The following PLCB1 variants were observed in gnomAD, a reference collection of about 807,000 sequenced individuals.
The protein encoded by PLCB1 is 1-phosphatidylinositol 4,5-bisphosphate phosphodiesterase beta-1.
A neutral mutation model predicts 161.8 loss-of-function variants in PLCB1; 46 were observed. The observed-to-expected ratio is 0.28, with a 90% CI of 0.22 to 0.36. PLCB1 has a LOEUF of 0.36. Ranked by LOEUF, PLCB1 falls within the 10% of genes least tolerant of loss-of-function variation. The pLI is 1.00. For synonymous variants in PLCB1, 517 were observed against 503.7 expected (o/e 1.03, Z -0.35); for missense variants, 1,016 against 1,472.5 (o/e 0.69, Z 5.07).
At chr20:8,627,826 A>C (rs949029269) in intron 3 of PLCB1, among the ~76,000 whole-genome samples, 1 of 152,362 alleles carries the variant, frequency 6.6e-6, no homozygotes, top group African/African-American at 2.4e-5. Flanking sequence ...TCTTTGCATC[A>C]GTACTGACTG....
At position 8,581,929 on chromosome 20, in the gene PLCB1, A is replaced by G. The variant is rs62198908; in HGVS notation, c.247-46365A>G. Reference sequence around the variant, plus strand: ...CAGTGTTGTGCGAGAACCAATTCACACCAGCTCACAAGAGCTGATTTTACT... The same window carrying G: ...CAGTGTTGTGCGAGAACCAATTCACGCCAGCTCACAAGAGCTGATTTTACT... On this transcript the variant is annotated intron_variant, in intron 3 of 31. Transcript: ENST00000338037. 9.0e-3 allele frequency among the ~76,000 whole-genome samples: 1,372 copies of G among 152,282 alleles called. 10 individuals are homozygous for G. The highest frequency in any genetic ancestry group is 0.015 in the Non-Finnish European group (1,052 of 68,014).
At chr20:8,600,076 G>C (rs1318031042) in intron 3 of PLCB1, among the ~76,000 whole-genome samples, 1 of 111,504 alleles carries the variant, frequency 9.0e-6, no homozygotes, top group Admixed American at 9.0e-5. Flanking sequence ...TAATTTGATC[G>C]TCTGAAGCCT....
intron 10 of PLCB1, among the ~76,000 whole-genome samples, chr20:8,687,307 G>C (rs964682874): frequency 6.6e-5 from 10 of 152,244 alleles, no homozygotes; most frequent in Non-Finnish European, 1.0e-4. Context: ...TTAACGACAT[G>C]AGCCACTGTG....
At chr20:8,731,665 G>T (rs1475241976) in intron 18 of PLCB1, among the ~76,000 whole-genome samples, 1 of 151,916 alleles carries the variant, frequency 6.6e-6, no homozygotes, top group Non-Finnish European at 1.5e-5. Context: ...AATGTGATAA[G>T]TTATCTTAAT....
At chr20:8,160,414 A>G (rs2051610496) in intron 2 of PLCB1, among the ~76,000 whole-genome samples, 1 of 152,192 alleles carries the variant, frequency 6.6e-6, no homozygotes, top group African/African-American at 2.4e-5. Flanking sequence ...CATGCCACTG[A>G]TAAAGACATA....
chr20:8,845,341 A>AT (rs1444666755), intron 31 of PLCB1, among the ~76,000 whole-genome samples: 1 of 152,094 alleles, frequency 6.6e-6, no homozygotes, highest in Admixed American at 6.6e-5. Flanking sequence ...GGGTGTATAC[A>AT]TTTTTAGTAT....
At chr20:8,601,896 G>C (rs1987597117) in intron 3 of PLCB1, among the ~76,000 whole-genome samples, 1 of 152,118 alleles carries the variant, frequency 6.6e-6, no homozygotes, top group Admixed American at 6.5e-5. Context: ...GGCTTGTTCT[G>C]GAAGTGTTGC....
At chr20:8,712,425 A>G (rs942670788) in intron 12 of PLCB1, among the ~76,000 whole-genome samples, 6 of 152,220 alleles carry the variant, frequency 3.9e-5, no homozygotes, top group African/African-American at 7.2e-5. Flanking sequence ...GCTGCTTTCA[A>G]TGTATCCTGT....
intron 3 of PLCB1, among the ~76,000 whole-genome samples, chr20:8,391,303 TACCCCCAGAGA>T (rs1481240098): frequency 6.6e-6 from 1 of 152,138 alleles, no homozygotes; most frequent in Non-Finnish European, 1.5e-5. Flanking sequence ...GCCAAACACC[TACCCCCAGAGA>T]ACTATCACAG....
chr20:8,327,544 G>A (rs890269488), intron 2 of PLCB1, among the ~76,000 whole-genome samples: 2 of 152,156 alleles, frequency 1.3e-5, no homozygotes, highest in South Asian at 2.1e-4. Flanking sequence ...TTGCCAAAAC[G>A]AAGAAAGGAA....
intron 3 of PLCB1, among the ~76,000 whole-genome samples, chr20:8,451,823 C>T (rs184517479): frequency 1.5e-3 from 226 of 150,182 alleles, no homozygotes; most frequent in African/African-American, 5.3e-3. Flanking sequence ...TTCTTTCTTC[C>T]ATCTCCCTCT....
At chr20:8,764,332 G>A (rs928583204) in intron 25 of PLCB1, among the ~76,000 whole-genome samples, 1 of 152,126 alleles carries the variant, frequency 6.6e-6, no homozygotes, top group African/African-American at 2.4e-5. Context: ...TACTGTAAAT[G>A]ATACCTTTTA....
chr20:8,727,889 A>G (rs368875710), intron 17 of PLCB1, among the ~76,000 whole-genome samples: 6 of 152,216 alleles, frequency 3.9e-5, no homozygotes, highest in African/African-American at 1.2e-4. Flanking sequence ...CATTACTAAG[A>G]CTGGATTTAT....
intron 31 of PLCB1, among the ~76,000 whole-genome samples, chr20:8,795,385 C>T (rs1269676201): frequency 2.6e-5 from 4 of 152,138 alleles, no homozygotes; most frequent in Admixed American, 2.6e-4. Flanking sequence ...GCACATAAGT[C>T]CCATGGAAAC....
intron 3 of PLCB1, among the ~76,000 whole-genome samples, chr20:8,556,974 TAAATAAATA>T (rs1286043094): frequency 4.8e-5 from 6 of 123,854 alleles, no homozygotes; most frequent in African/African-American, 1.5e-4. Flanking sequence ...TTATTGATAA[TAAATAAATA>T]AAATAAATAA....
chr20:8,334,047 TA>T (rs1249222433), intron 2 of PLCB1, among the ~76,000 whole-genome samples: 2 of 152,028 alleles, frequency 1.3e-5, no homozygotes, highest in Non-Finnish European at 2.9e-5. Context: ...CCATCTCTAC[TA>T]AAAATACAAA....
At chr20:8,552,566 C>T (rs1985810536) in intron 3 of PLCB1, among the ~76,000 whole-genome samples, 3 of 152,114 alleles carry the variant, frequency 2.0e-5, no homozygotes, top group Admixed American at 2.0e-4. Flanking sequence ...CAATAAAATG[C>T]CTGCTAGTGT....
At chr20:8,641,856 G>A (rs1988966739) in intron 4 of PLCB1, among the ~76,000 whole-genome samples, 1 of 152,152 alleles carries the variant, frequency 6.6e-6, no homozygotes, top group South Asian at 2.1e-4. Context: ...TTTGCATTCA[G>A]TCTCCAAATT....
At chr20:8,788,599 T>A in intron 28 of PLCB1, 34 bp from the exon 29 acceptor site, 1 of 1,592,510 alleles carries the variant, frequency 6.3e-7, no homozygotes, top group Non-Finnish European at 8.6e-7. Flanking sequence ...CTGATTTGCC[T>A]CTTTTTTCTC....
Sources: gnomAD v4.1 joint callset for allele counts (sites outside exome capture counted in the v4.1 genomes callset) on GRCh38, gnomAD v4.1.1 for gene constraint, MANE v1.5 for transcripts, NCBI Gene and HGNC (gene_info 2026-07-23, HGNC 2026-07-21) for gene names.